The following SYN3 variants were observed in gnomAD, a reference collection of about 807,000 sequenced individuals.
The protein encoded by SYN3 is synapsin III.
In SYN3, 35 loss-of-function variants were observed where a neutral mutation model predicts 65.8. The ratio of observed to expected loss-of-function variants is 0.53; its 90% CI spans 0.41 to 0.70. SYN3 has a LOEUF of 0.70. SYN3 is among the 30% of genes least tolerant of loss of function. The pLI is 0.00. For missense variants in SYN3, 680 were observed against 749.0 expected (o/e 0.91, Z 1.08); for synonymous variants, 270 against 292.9 (o/e 0.92, Z 0.80).
chr22:32,691,136 C>A (rs1290980969), intron 6 of SYN3, among the ~76,000 whole-genome samples: 2 of 152,210 alleles, frequency 1.3e-5, no homozygotes, highest in African/African-American at 4.8e-5. Flanking sequence ...ATTCCCCTCC[C>A]ACTCCTGCAG....
Position 32,980,647 on chromosome 22 carries a change from G to T in SYN3, c.367C>A (p.Gln123Lys), listed in dbSNP as rs184033867. The T allele has an allele frequency of 2.3e-4, 364 of 1,613,914 alleles. 1 individual carries two copies. The highest frequency in any genetic ancestry group is 5.2e-4 in the Admixed American group (31 of 60,020). Reference sequence around the variant, plus strand: ...CTAAAGACACAGCTCCCACCTACCTGCTCCACTCGGATCTCAATCTCTCCA... The same window carrying T: ...CTAAAGACACAGCTCCCACCTACCTTCTCCACTCGGATCTCAATCTCTCCA... ...VNGEIEIRVEQAEFSELNLAA... is the reference protein window; with the variant it reads ...VNGEIEIRVEKAEFSELNLAA... The change falls in exon 3 of 14, where the codon CAG becomes AAG. Residue 123 changes from glutamine to lysine, a missense_variant and splice_region_variant. Physicochemically the swap from Gln to Lys is moderately conservative, Grantham distance 53. Transcript: ENST00000358763.
At chr22:32,888,646 G>A (rs890416465) in intron 4 of SYN3, among the ~76,000 whole-genome samples, 3 of 152,134 alleles carry the variant, frequency 2.0e-5, no homozygotes, top group Admixed American at 6.5e-5. Flanking sequence ...AATGCAAGAC[G>A]CCCCCAGGAT....
At chr22:33,040,137 G>C (rs922514729) in intron 1 of SYN3, among the ~76,000 whole-genome samples, 1 of 112,190 alleles carries the variant, frequency 8.9e-6, no homozygotes, top group Admixed American at 8.6e-5. Flanking sequence ...AATTTTTTTT[G>C]TATTTTTAAT....
intron 3 of SYN3, among the ~76,000 whole-genome samples, chr22:32,961,495 G>T (rs2051650844): frequency 6.6e-6 from 1 of 152,154 alleles, no homozygotes; most frequent in Admixed American, 6.5e-5. Context: ...AGTGGGTTTT[G>T]GTTTCACCCC....
At chr22:32,624,169 C>T (rs993020686) in intron 6 of SYN3, among the ~76,000 whole-genome samples, 6 of 152,238 alleles carry the variant, frequency 3.9e-5, no homozygotes, top group African/African-American at 1.4e-4. Flanking sequence ...CGCTCCCTCC[C>T]TGGCTTGGGG....
intron 6 of SYN3, among the ~76,000 whole-genome samples, chr22:32,808,504 T>A (rs1203029311): frequency 1.3e-5 from 2 of 152,222 alleles, no homozygotes; most frequent in Non-Finnish European, 2.9e-5. Context: ...CCTGTTCTGA[T>A]GAAAGCTCTT....
At chr22:32,695,078 G>A (rs2060717378) in intron 6 of SYN3, among the ~76,000 whole-genome samples, 1 of 152,102 alleles carries the variant, frequency 6.6e-6, no homozygotes, top group Non-Finnish European at 1.5e-5. Context: ...TTCTGTAGAG[G>A]CATTTCTTTA....
At chr22:32,689,893 G>T (rs887745858) in intron 6 of SYN3, among the ~76,000 whole-genome samples, 4 of 152,130 alleles carry the variant, frequency 2.6e-5, no homozygotes, top group African/African-American at 9.7e-5. Context: ...AGAGGCCCAA[G>T]AGGCCAGGTG....
intron 4 of SYN3, among the ~76,000 whole-genome samples, chr22:32,909,790 G>A (rs879502762): frequency 6.6e-6 from 1 of 152,062 alleles, no homozygotes; most frequent in Non-Finnish European, 1.5e-5. Flanking sequence ...CCATCACGGC[G>A]AGAGACAGAG....
intron 6 of SYN3, among the ~76,000 whole-genome samples, chr22:32,735,163 A>G (rs2061322883): frequency 6.6e-6 from 1 of 152,202 alleles, no homozygotes. Flanking sequence ...GTTGAGGGGC[A>G]GGATACAAGG....
At chr22:32,957,327 C>G (rs894477237) in intron 3 of SYN3, among the ~76,000 whole-genome samples, 1 of 152,158 alleles carries the variant, frequency 6.6e-6, no homozygotes, top group African/African-American at 2.4e-5. Context: ...AGGAAGCAGA[C>G]TCGTGCTCTC....
chr22:32,516,101 G>A (rs139163303), intron 13 of SYN3, among the ~76,000 whole-genome samples: 283 of 151,850 alleles, frequency 1.9e-3, no homozygotes, highest in African/African-American at 6.4e-3. Flanking sequence ...TCCAGCCCAG[G>A]ATTTATTATT....
Position 32,644,458 on chromosome 22 carries a change from G to T in SYN3, c.712-47722C>A, listed in dbSNP as rs575403556. On this transcript the variant is annotated intron_variant, in intron 6 of 13. Transcript: ENST00000358763. ...TGGCAGGTGGCAGCTGTCCTGCCAC[G>T]TGAGTGTCAGGGGCCCTGGGAATGC... is the stretch of plus-strand genomic sequence containing the variant. Among the ~76,000 whole-genome samples the T allele has an allele frequency of 1.5e-3, 226 of 152,240 alleles. 2 individuals are homozygous for T. The Middle Eastern group carries it at 0.024, about 16-fold the overall frequency.
intron 4 of SYN3, among the ~76,000 whole-genome samples, chr22:32,919,463 GA>G (rs1341136561): frequency 6.6e-6 from 1 of 152,168 alleles, no homozygotes; most frequent in Non-Finnish European, 1.5e-5. Flanking sequence ...TGAAAGGAAG[GA>G]AAGGAGGAAG....
chr22:32,688,137 C>T (rs528033533), intron 6 of SYN3, among the ~76,000 whole-genome samples: 16 of 152,274 alleles, frequency 1.1e-4, no homozygotes, highest in Middle Eastern at 3.4e-3. Context: ...TAAACGCTTA[C>T]GTCTATATAC....
intron 7 of SYN3, among the ~76,000 whole-genome samples, chr22:32,557,673 G>A (rs2058523236): frequency 6.6e-6 from 1 of 152,242 alleles, no homozygotes; most frequent in Admixed American, 6.5e-5. Flanking sequence ...ATGCAAGGCT[G>A]TGATCCTAAG....
chr22:32,661,590 G>A (rs1200373860), intron 6 of SYN3, among the ~76,000 whole-genome samples: 2 of 152,040 alleles, frequency 1.3e-5, no homozygotes, highest in Admixed American at 1.3e-4. Flanking sequence ...GAAACATGTG[G>A]TTTTCATCAT....
intron 6 of SYN3, among the ~76,000 whole-genome samples, chr22:32,855,816 C>T (rs759267716): frequency 1.3e-5 from 2 of 152,140 alleles, no homozygotes; most frequent in Non-Finnish European, 2.9e-5. Context: ...AAATTGCCTC[C>T]AGTTGAGAAC....
At chr22:32,535,785 G>A (rs1277324270) in intron 9 of SYN3, among the ~76,000 whole-genome samples, 9 of 152,078 alleles carry the variant, frequency 5.9e-5, no homozygotes, top group African/African-American at 2.2e-4. Flanking sequence ...GAGAATCGGG[G>A]GGGGGGCCCT....
Sources: allele counts gnomAD v4.1 joint callset (sites outside exome capture counted in the v4.1 genomes callset), GRCh38; gene constraint gnomAD v4.1.1; transcripts MANE v1.5; gene names NCBI Gene and HGNC (gene_info 2026-07-23, HGNC 2026-07-21).